IFT172: variants seen among roughly 807,000 people sequenced by gnomAD.
IFT172 encodes intraflagellar transport protein 172 homolog.
In IFT172, 164 loss-of-function variants were observed where a neutral mutation model predicts 248.9. That is an observed-to-expected ratio of 0.66 (90% CI 0.58 to 0.75). The LOEUF (loss-of-function observed/expected upper bound fraction) is 0.75. IFT172 is among the 30% of genes least tolerant of loss of function. The pLI is 0.00. For missense variants in IFT172, 1,950 were observed against 2,192.4 expected, an observed-to-expected ratio of 0.89 and a Z score of 2.21; for synonymous variants, 729 against 791.6, an observed-to-expected ratio of 0.92 and a Z score of 1.33.
In IFT172 at chr2:27,462,090, T is replaced by C. The variant is rs780108; in HGVS notation, c.2116-254A>G. On this transcript the variant is annotated intron_variant, in intron 20 of 47. Coordinates refer to ENST00000260570, the MANE Select transcript of IFT172 (RefSeq NM_015662.3). ...TCTGTTGCCGAGGCTGAAGTGCAGT[T>C]GTGTGATCTCGGGCTCACTGCAACC... 0.56 allele frequency among the ~76,000 whole-genome samples: 84,877 copies of C among 152,154 alleles called. 26,879 individuals are homozygous for C. Among genetic ancestry groups the C allele is most frequent in the African/African-American group, 0.87 (36,064 of 41,546 alleles).
intron 7 of IFT172, among the ~76,000 whole-genome samples, 165 bp from the exon 8 acceptor site, chr2:27,481,425 T>TCACACACACA (rs71401571): frequency 3.4e-5 from 5 of 145,158 alleles, no homozygotes; most frequent in African/African-American, 1.3e-4. Flanking sequence ...TCACAAATTG[T>TCACACACACA]CACACACACA....
intron 35 of IFT172, among the ~76,000 whole-genome samples, chr2:27,451,258 C>T (rs78590292): frequency 0.046 from 6,952 of 152,266 alleles, 214 homozygotes; most frequent in Non-Finnish European, 0.066. Flanking sequence ...TTTCTTACTG[C>T]CAAGCCCTTC....
intron 7 of IFT172, 35 bp from the exon 8 acceptor site, chr2:27,481,295 G>A (rs750620477): frequency 3.3e-6 from 5 of 1,531,774 alleles, no homozygotes; most frequent in Non-Finnish European, 2.7e-6. Context: ...ATCACTCTTC[G>A]AAGACTCCAC....
chr2:27,470,852 T>C (rs1363124088), intron 16 of IFT172, 76 bp downstream of exon 16: 3 of 1,401,342 alleles, frequency 2.1e-6, no homozygotes, highest in East Asian at 4.9e-5. Flanking sequence ...GAAAACCAAG[T>C]AGCCTTCAGA....
Position 27,445,995 on chromosome 2 carries a change from C to T in IFT172, c.4756-7G>A. The T allele has an allele frequency of 6.2e-7, 1 of 1,614,198 alleles. No individual in the cohort carries two copies. The highest frequency in any genetic ancestry group is 1.6e-4 in the Middle Eastern group (1 of 6,062). On this transcript the variant is annotated splice_region_variant and splice_polypyrimidine_tract_variant and intron_variant, in intron 43 of 47. Transcript: ENST00000260570. This position sits in a 1 kb window ranked among gnomAD's most constrained non-coding sequence, Gnocchi z 4.4. ...TGTTATCCCAGCCAACTGCCTGCAG[C>T]AAAGAAGAGTTGCAAATGGGAGTGA...
In IFT172 at chr2:27,459,367, C is replaced by T; in HGVS notation, c.2787+11G>A. 6.2e-7 allele frequency: 1 copy of T among 1,613,544 alleles called. No homozygotes were observed. The highest frequency in any genetic ancestry group is 8.5e-7 in the Non-Finnish European group (1 of 1,179,784). ...CATTGCCTCGTGCTGCGGAAAGGGACTCTTCCTCACCTCATACTCCTGCAG... is the reference window on the plus strand; with the variant it reads ...CATTGCCTCGTGCTGCGGAAAGGGATTCTTCCTCACCTCATACTCCTGCAG... On this transcript the variant is annotated intron_variant, in intron 25 of 47. Coordinates refer to ENST00000260570, the MANE Select transcript of IFT172 (RefSeq NM_015662.3).
intron 30 of IFT172, chr2:27,455,797 A>G: frequency 2.1e-6 from 1 of 482,242 alleles, no homozygotes; most frequent in South Asian, 1.6e-5. Context: ...CTCAGTTGGC[A>G]TCATGGACCA....
In IFT172 at chr2:27,480,995, G is replaced by A. The variant is rs1183891790; in HGVS notation, c.785+51C>T. On this transcript the variant is annotated intron_variant, in intron 8 of 47. Coordinates refer to ENST00000260570, the MANE Select transcript of IFT172 (RefSeq NM_015662.3). The stretch of plus-strand genomic sequence containing the variant: ...CTCAGAATAATTTGGCTAAAGCAGA[G>A]AGTGTTCGCAGGGAAAGTAGGCAGT... 6 of 1,434,248 alleles carry A rather than the reference G, an allele frequency of 4.2e-6. No individual in the cohort carries two copies. The African/African-American group carries it at 7.0e-5, about 17-fold the overall frequency. 88.8% of individuals were successfully genotyped at this position (1,434,248 alleles called of 1,614,324 possible).
chr2:27,479,819 C>G (rs978668904), intron 9 of IFT172, among the ~76,000 whole-genome samples: 1 of 152,194 alleles, frequency 6.6e-6, no homozygotes, highest in Admixed American at 6.5e-5. Flanking sequence ...AAAACTAGCC[C>G]TGCCTACACA....
intron 26 of IFT172, 110 bp from the exon 27 acceptor site, chr2:27,458,333 G>A: frequency 1.1e-6 from 1 of 880,600 alleles, no homozygotes; most frequent in Non-Finnish European, 1.9e-6. Context: ...AATCACAGGA[G>A]TTTGGGTATT....
At chr2:27,447,421 A>T in intron 42 of IFT172, 94 bp downstream of exon 42, 1 of 1,514,424 alleles carries the variant, frequency 6.6e-7, no homozygotes, top group Non-Finnish European at 8.9e-7. Context: ...TCAAGAGCCC[A>T]AGCTGAAGAA....
intron 14 of IFT172, among the ~76,000 whole-genome samples, chr2:27,472,659 C>T (rs766013181): frequency 2.0e-5 from 3 of 152,160 alleles, no homozygotes; most frequent in Non-Finnish European, 2.9e-5. Flanking sequence ...TGATACAATA[C>T]AGCAGTGAGA....
In IFT172 at chr2:27,454,334, G is replaced by T. The variant is rs752286502; in HGVS notation, c.3530+20C>A. On this transcript the variant is annotated intron_variant, in intron 32 of 47. Coordinates refer to ENST00000260570, the MANE Select transcript of IFT172 (RefSeq NM_015662.3). This position sits in a 1 kb window ranked among gnomAD's most constrained non-coding sequence, Gnocchi z 4.2. ...CGGTGACTGGGGAAACAGTATTAAG[G>T]AATGTATGGGGTAACTCACATGAGG... 1.2e-6 allele frequency: 2 copies of T among 1,613,938 alleles called. No homozygotes were observed. The highest frequency in any genetic ancestry group is 1.7e-6 in the Non-Finnish European group (2 of 1,179,846).
Position 27,472,287 on chromosome 2 carries a change from G to A in IFT172, c.1487C>T (p.Thr496Ile), listed in dbSNP as rs776869287. 5 of 1,614,070 alleles carry A rather than the reference G, an allele frequency of 3.1e-6. No individual in the cohort carries two copies. The South Asian group carries it at 4.4e-5, about 14-fold the overall frequency. The stretch of plus-strand genomic sequence containing the variant: ...GTCCCTGAAGAGGAGCTTGTGTCCA[G>A]TCTCATTAAGTTCCAGCCAATCCAC... ...SRVDWLELNE[T>I]GHKLLFRDRK... Residue 496 changes from threonine to isoleucine, a missense_variant, in exon 15 of 48, where the codon ACT becomes ATT. This residue lies in a region of IFT172 where 1,166 missense variants were observed against 1,254.1 expected (regional missense o/e 0.93). Transcript: ENST00000260570.
At position 27,454,632 on chromosome 2, in the gene IFT172, G is replaced by A. The variant is rs139223261; in HGVS notation, c.3400C>T (p.Arg1134Trp). ...CSFEFAFELS[R>W]LALKHKTPEV... Reference sequence around the variant, plus strand: ...GGGGTTTTGTGCTTGAGGGCCAGCCGAGAGAGTTCAAACGCAAATTCAAAG... The same window carrying A: ...GGGGTTTTGTGCTTGAGGGCCAGCCAAGAGAGTTCAAACGCAAATTCAAAG... Residue 1134 changes from arginine to tryptophan, a missense_variant, in exon 31 of 48, where the codon CGG becomes TGG. Arg to Trp is a moderately radical substitution (Grantham distance 101, BLOSUM62 -3). This residue lies in a region of IFT172 where 164 missense variants were observed against 239.3 expected (regional missense o/e 0.69). Coordinates refer to ENST00000260570, the MANE Select transcript of IFT172 (RefSeq NM_015662.3). This position sits in a 1 kb window ranked among gnomAD's most constrained non-coding sequence, Gnocchi z 4.2. The A allele has an allele frequency of 2.1e-4, 333 of 1,613,938 alleles. 1 individual carries two copies. The highest frequency in any genetic ancestry group is 2.6e-4 in the Non-Finnish European group (310 of 1,180,022).
chr2:27,485,566 A>G (rs968368784), intron 1 of IFT172, 63 bp from the exon 2 acceptor site: 7 of 1,580,978 alleles, frequency 4.4e-6, no homozygotes, highest in East Asian at 4.5e-5. Flanking sequence ...AAGCATTTCT[A>G]GCTTCATTAA....
chr2:27,483,286 T>C lies in IFT172; in HGVS notation c.570+3A>G, dbSNP rs764578452. Reference sequence around the variant, plus strand: ...AGCCTCCCACAACATTCTTTATTCATACCTGTGACTCTCCAGAGCCTTCAT... The same window carrying C: ...AGCCTCCCACAACATTCTTTATTCACACCTGTGACTCTCCAGAGCCTTCAT... On this transcript the variant is annotated splice_donor_region_variant and intron_variant, in intron 7 of 47. Coordinates refer to ENST00000260570, the MANE Select transcript of IFT172 (RefSeq NM_015662.3). 2 of 1,530,040 alleles carry C rather than the reference T, an allele frequency of 1.3e-6. No homozygotes were observed. The highest frequency in any genetic ancestry group is 1.8e-6 in the Non-Finnish European group (2 of 1,103,376). The allele number at this position is 1,530,040 out of a possible 1,614,324, so 94.8% of individuals were successfully genotyped here.
In IFT172 at chr2:27,472,352, A is replaced by G; in HGVS notation, c.1422T>C (p.Ile474=). The G allele has an allele frequency of 3.1e-6, 5 of 1,613,768 alleles. No homozygotes were observed. Among genetic ancestry groups the G allele is most frequent in the Non-Finnish European group, 4.2e-6 (5 of 1,179,678 alleles). Reference sequence around the variant, plus strand: ...TGACGGTGCCAATGTTGTAGCCACCAATCAGATCCACTATAGAATAAAGGA... The same window carrying G: ...TGACGGTGCCAATGTTGTAGCCACCGATCAGATCCACTATAGAATAAAGGA... ...DIKTIAIVDL[I]GGYNIGTVSH... is the part of the protein sequence containing the mutation. Residue 474 remains isoleucine, a synonymous_variant, in exon 15 of 48, where the codon ATT becomes ATC. Transcript: ENST00000260570.
Position 27,456,862 on chromosome 2 carries a change from T to C in IFT172, c.3229-209A>G, listed in dbSNP as rs573745828. On this transcript the variant is annotated intron_variant, in intron 29 of 47. Transcript: ENST00000260570. ...GAGTTCGAGACCAGCCTGGCCAACA[T>C]AGTGAAACCCCATCTCTACTAAAAA... Among the ~76,000 whole-genome samples the C allele has an allele frequency of 2.1e-3, 314 of 151,986 alleles. 2 individuals are homozygous for C. The highest frequency in any genetic ancestry group is 6.8e-3 in the African/African-American group (282 of 41,474).
Sources: gnomAD v4.1 joint callset for allele counts (sites outside exome capture counted in the v4.1 genomes callset) on GRCh38, gnomAD v4.1.1 for gene constraint, gnomAD v4.1.1 regional missense constraint, Gnocchi (gnomAD v3.1) non-coding constraint, MANE v1.5 for transcripts, NCBI Gene and HGNC (gene_info 2026-07-23, HGNC 2026-07-21) for gene names.